BCAS3: variants seen among roughly 807,000 people sequenced by gnomAD.
BCAS3 encodes BCAS4/BCAS3 fusion.
BCAS3 carries 53 observed loss-of-function variants against 116.1 expected under a neutral mutation model. The observed-to-expected ratio is 0.46, with a 90% CI of 0.37 to 0.57. The LOEUF (loss-of-function observed/expected upper bound fraction) is 0.57. BCAS3 is among the 20% of genes least tolerant of loss of function. The pLI is 0.00. For missense variants in BCAS3, 917 were observed against 1,165.4 expected (o/e 0.79, Z 3.10); for synonymous variants, 391 against 408.2 (o/e 0.96, Z 0.51).
rs915124272 is a variant in BCAS3, at chr17:61,087,047, T to C, written c.2425+2483T>C. 9.2e-5 allele frequency: 91 copies of C among 984,980 alleles called. No homozygotes were observed. Among genetic ancestry groups the C allele is most frequent in the Non-Finnish European group, 1.1e-4 (89 of 829,632 alleles). The allele number at this position is 984,980 out of a possible 1,614,324, so 61.0% of individuals were successfully genotyped here. A position where few individuals can be genotyped will look rare whatever the true frequency, so the allele number is the denominator to read the frequency against. ...TCTAACGAAATCGAGGCTAAATAATTTGAGTTCTTTATGTAAACATATTTA... is the reference window on the plus strand; with the variant it reads ...TCTAACGAAATCGAGGCTAAATAATCTGAGTTCTTTATGTAAACATATTTA... On this transcript the variant is annotated intron_variant, in intron 22 of 23. Coordinates refer to ENST00000407086, the MANE Select transcript of BCAS3 (RefSeq NM_017679.5). The surrounding 1 kb of genome is among the most constrained non-coding windows in gnomAD (Gnocchi z 4.6).
At chr17:60,924,600 T>C (rs1275918945) in intron 13 of BCAS3, 100 bp downstream of exon 13, 6 of 874,102 alleles carry the variant, frequency 6.9e-6, no homozygotes, top group East Asian at 2.5e-5. Flanking sequence ...CTTTTCTTCA[T>C]GTATCAGTAT....
intron 13 of BCAS3, among the ~76,000 whole-genome samples, chr17:60,945,709 G>A (rs1418703373): frequency 6.6e-6 from 1 of 151,402 alleles, no homozygotes; most frequent in African/African-American, 2.4e-5. Context: ...ATTGAGGCAT[G>A]AGAATCTGTT....
At chr17:61,335,942 A>C (rs762271794) in intron 22 of BCAS3, among the ~76,000 whole-genome samples, 1 of 152,238 alleles carries the variant, frequency 6.6e-6, no homozygotes, top group Non-Finnish European at 1.5e-5. Context: ...TGCCAGATTG[A>C]CAGCTGTCTT....
intron 7 of BCAS3, among the ~76,000 whole-genome samples, chr17:60,848,080 G>C (rs1167451117): frequency 1.3e-5 from 2 of 152,138 alleles, no homozygotes; most frequent in African/African-American, 4.8e-5. Context: ...TTCCCCCATT[G>C]AATAGACTTG....
Position 60,920,870 on chromosome 17 carries a change from A to AAACAACAAC in BCAS3, c.994-3493_994-3485dup, listed in dbSNP as rs58062382. Reference sequence around the variant, plus strand: ...GGGCGACAGAGCAAGACTCCATCGCAAACAACAACAACAACAACAACAACA... The same window carrying AAACAACAAC: ...GGGCGACAGAGCAAGACTCCATCGCAAACAACAACAACAACAACAACAACAACAACAACA... On this transcript the variant is annotated intron_variant, in intron 12 of 23. Transcript: ENST00000407086. 1.1e-3 allele frequency among the ~76,000 whole-genome samples: 163 copies of AAACAACAAC among 146,654 alleles called. 1 individual carries two copies. The highest frequency in any genetic ancestry group is 1.5e-3 in the Non-Finnish European group (100 of 66,750).
At chr17:61,386,000 A>C (rs993455157) in intron 23 of BCAS3, among the ~76,000 whole-genome samples, 1 of 152,148 alleles carries the variant, frequency 6.6e-6, no homozygotes, top group African/African-American at 2.4e-5. Context: ...CTGGAGAGGG[A>C]CCCTGTAGTC....
chr17:60,868,500 T>G (rs2054825009), intron 7 of BCAS3, 76 bp from the exon 8 acceptor site: 1 of 787,266 alleles, frequency 1.3e-6, no homozygotes, highest in Non-Finnish European at 1.8e-6. Context: ...GAATATTATG[T>G]TAATGAGAAA....
chr17:60,896,793 C>CA (rs1192713301), intron 10 of BCAS3, among the ~76,000 whole-genome samples: 1 of 151,754 alleles, frequency 6.6e-6, no homozygotes, highest in Admixed American at 6.6e-5. Flanking sequence ...TATTCTGTCT[C>CA]TTTTAAGTGG....
rs924875269 is a variant in BCAS3 at position 61,233,437 on chromosome 17, G to A, written c.2426-134890G>A. Among the ~76,000 whole-genome samples, 5 of 152,282 alleles carry A rather than the reference G, an allele frequency of 3.3e-5. No homozygotes were observed. The East Asian group carries it at 9.6e-4, about 29-fold the overall frequency. ...TGGTTCATCGTCCAGATCTAAAAAT[G>A]ATTGTTAATTTGAGTTATTGTGCTA... On this transcript the variant is annotated intron_variant, in intron 22 of 23. Transcript: ENST00000407086. This position sits in a 1 kb window ranked among gnomAD's most constrained non-coding sequence, Gnocchi z 4.3.
At chr17:61,070,236 C>T in intron 19 of BCAS3, 2 of 1,536,822 alleles carry the variant, frequency 1.3e-6, no homozygotes, top group Non-Finnish European at 1.8e-6. Context: ...TTGATGTGGC[C>T]AAGGTCAACA....
chr17:60,697,791 T>C (rs1320554695), intron 4 of BCAS3, among the ~76,000 whole-genome samples: 3 of 151,836 alleles, frequency 2.0e-5, no homozygotes, highest in Non-Finnish European at 4.4e-5. Context: ...AGGGAGGACA[T>C]TGTAGTTGGC....
In BCAS3 at chr17:61,296,191, T is replaced by C. The variant is rs141508414; in HGVS notation, c.2426-72136T>C. On this transcript the variant is annotated intron_variant, in intron 22 of 23. Coordinates refer to ENST00000407086, the MANE Select transcript of BCAS3 (RefSeq NM_017679.5). The stretch of plus-strand genomic sequence containing the variant: ...GAGACAGATGTCTGTTTCCATACTC[T>C]CTCATTCTTCCAGTCAGGTTAAACA... Among the ~76,000 whole-genome samples, 14 of 152,324 alleles carry C rather than the reference T, an allele frequency of 9.2e-5. No individual in the cohort carries two copies. The South Asian group carries it at 2.9e-3, about 32-fold the overall frequency.
At chr17:61,177,891 G>C (rs781106496) in intron 22 of BCAS3, among the ~76,000 whole-genome samples, 4 of 152,120 alleles carry the variant, frequency 2.6e-5, no homozygotes, top group Non-Finnish European at 5.9e-5. Context: ...TTTAATGAGA[G>C]AGCTAAATTC....
chr17:60,786,311 G>A (rs983326474), intron 6 of BCAS3, among the ~76,000 whole-genome samples: 3 of 151,860 alleles, frequency 2.0e-5, no homozygotes, highest in Non-Finnish European at 2.9e-5. Flanking sequence ...TGTGTCCTTC[G>A]GCTTTTAGCA....
In BCAS3 at chr17:61,146,067, C is replaced by T. The variant is rs1358089622; in HGVS notation, c.2425+61503C>T. 3.3e-5 allele frequency among the ~76,000 whole-genome samples: 5 copies of T among 151,762 alleles called. No individual in the cohort carries two copies. The South Asian group carries it at 8.3e-4, about 25-fold the overall frequency. ...ATCCCCCTATGCATCATCTACCCCC[C>T]GATAGCTGACACAGTACTGTTCACA... On this transcript the variant is annotated intron_variant, in intron 22 of 23. Transcript: ENST00000407086.
Position 61,282,345 on chromosome 17 carries a change from G to A in BCAS3, c.2426-85982G>A, listed in dbSNP as rs1238562185. ...CCTGAGCCTTGGTTGGGAGCTGAATGAGAAGGGGCAATTGGGCCTCTGGTG... is the reference window on the plus strand; with the variant it reads ...CCTGAGCCTTGGTTGGGAGCTGAATAAGAAGGGGCAATTGGGCCTCTGGTG... On this transcript the variant is annotated intron_variant, in intron 22 of 23. Coordinates refer to ENST00000407086, the MANE Select transcript of BCAS3 (RefSeq NM_017679.5). The surrounding 1 kb of genome is among the most constrained non-coding windows in gnomAD (Gnocchi z 5.9). Among the ~76,000 whole-genome samples, 1 of 152,214 alleles carries A rather than the reference G, an allele frequency of 6.6e-6. No individual in the cohort carries two copies. Among genetic ancestry groups the A allele is most frequent in the Non-Finnish European group, 1.5e-5 (1 of 68,042 alleles).
At chr17:60,802,474 A>T (rs927310675) in intron 6 of BCAS3, among the ~76,000 whole-genome samples, 1 of 151,404 alleles carries the variant, frequency 6.6e-6, no homozygotes, top group Non-Finnish European at 1.5e-5. Context: ...CCATGTCTGC[A>T]GTATCTTCTC....
chr17:60,844,858 A>G (rs1181556592), intron 7 of BCAS3, among the ~76,000 whole-genome samples: 2 of 152,238 alleles, frequency 1.3e-5, no homozygotes, highest in Non-Finnish European at 2.9e-5. Flanking sequence ...GAATACCATG[A>G]GTAAAAAAGT....
intron 22 of BCAS3, among the ~76,000 whole-genome samples, chr17:61,321,941 T>G (rs1202555712): frequency 6.6e-6 from 1 of 152,134 alleles, no homozygotes; most frequent in East Asian, 1.9e-4. Context: ...TTTGTTTGTT[T>G]GTTTTTTTTG....
Sources: gnomAD v4.1 joint callset for allele counts (sites outside exome capture counted in the v4.1 genomes callset) on GRCh38, gnomAD v4.1.1 for gene constraint, Gnocchi (gnomAD v3.1) non-coding constraint, MANE v1.5 for transcripts, NCBI Gene and HGNC (gene_info 2026-07-23, HGNC 2026-07-21) for gene names.